JAKMIP1: variants seen among roughly 807,000 people sequenced by gnomAD.
The protein encoded by JAKMIP1 is janus kinase and microtubule-interacting protein 1.
JAKMIP1 carries 33 observed loss-of-function variants against 113.0 expected under a neutral mutation model. The ratio of observed to expected loss-of-function variants is 0.29; its 90% CI spans 0.22 to 0.39. The LOEUF (loss-of-function observed/expected upper bound fraction) is 0.39. JAKMIP1 is among the 10% of genes least tolerant of loss of function. JAKMIP1 has a pLI of 1.00. For missense variants in JAKMIP1, 813 were observed against 1,080.5 expected (o/e 0.75, Z 3.47); for synonymous variants, 480 against 459.9 (o/e 1.04, Z -0.56).
In JAKMIP1 at chr4:6,137,420, C is replaced by G. The variant is rs1719403656; in HGVS notation, c.-147-24423G>C. 1.3e-5 allele frequency among the ~76,000 whole-genome samples: 2 copies of G among 152,222 alleles called. No individual in the cohort carries two copies. Among genetic ancestry groups the G allele is most frequent in the South Asian group, 4.1e-4 (2 of 4,826 alleles). On this transcript the variant is annotated intron_variant, in intron 1 of 20. Transcript: ENST00000409021. This position sits in a 1 kb window ranked among gnomAD's most constrained non-coding sequence, Gnocchi z 4.5. ...AATTCACGGCTCTGGCCCATGGAACCTTAATCACGTCACACCTGATACAGT... is the reference window on the plus strand; with the variant it reads ...AATTCACGGCTCTGGCCCATGGAACGTTAATCACGTCACACCTGATACAGT...
intron 1 of JAKMIP1, among the ~76,000 whole-genome samples, chr4:6,118,511 G>A (rs1716182531): frequency 6.6e-6 from 1 of 152,150 alleles, no homozygotes; most frequent in Admixed American, 6.5e-5. Context: ...GTTCGCAGGA[G>A]GTGGATATTC....
In JAKMIP1 at chr4:6,078,050, T is replaced by G. The variant is rs112483068; in HGVS notation, c.1302+889A>C. Among the ~76,000 whole-genome samples, 6 of 152,248 alleles carry G rather than the reference T, an allele frequency of 3.9e-5. No homozygotes were observed. The East Asian group carries it at 1.2e-3, about 29-fold the overall frequency. On this transcript the variant is annotated intron_variant, in intron 8 of 20. Transcript: ENST00000409021. ...CCCTTATAGATGAGAAATATTTCTC[T>G]ATAACCACATCTCCATCAAAAGATA...
intron 1 of JAKMIP1, among the ~76,000 whole-genome samples, chr4:6,174,672 C>T (rs34111900): frequency 0.22 from 33,221 of 151,992 alleles, 4,196 homozygotes; most frequent in Non-Finnish European, 0.28. Context: ...CGAAACCCCC[C>T]GGAGCAGCTA....
In JAKMIP1 at chr4:6,086,531, A is replaced by G. The variant is rs1721336330; in HGVS notation, c.625-902T>C. Among the ~76,000 whole-genome samples the G allele has an allele frequency of 6.6e-6, 1 of 152,038 alleles. No individual in the cohort carries two copies. The highest frequency in any genetic ancestry group is 2.1e-4 in the South Asian group (1 of 4,820). On this transcript the variant is annotated intron_variant, in intron 3 of 20. Transcript: ENST00000409021. This position sits in a 1 kb window ranked among gnomAD's most constrained non-coding sequence, Gnocchi z 4.1. ...GCCTTCCTATGGGGGAGTGTCAGAAAGGACACAGGCTCAACACAGTGGGCC... is the reference window on the plus strand; with the variant it reads ...GCCTTCCTATGGGGGAGTGTCAGAAGGGACACAGGCTCAACACAGTGGGCC...
chr4:6,098,838 C>G (rs28883105), intron 3 of JAKMIP1, among the ~76,000 whole-genome samples: 6,898 of 152,250 alleles, frequency 0.045, 457 homozygotes, highest in African/African-American at 0.15. Context: ...CCTGATCAAC[C>G]CCACACCCGG....
In JAKMIP1 at chr4:6,199,494, C is replaced by T. The variant is rs1049608740; in HGVS notation, c.-148+759G>A. Among the ~76,000 whole-genome samples, 1 of 152,116 alleles carries T rather than the reference C, an allele frequency of 6.6e-6. No individual in the cohort carries two copies. The highest frequency in any genetic ancestry group is 2.4e-5 in the African/African-American group (1 of 41,448). On this transcript the variant is annotated intron_variant, in intron 1 of 20. Coordinates refer to ENST00000409021, the MANE Select transcript of JAKMIP1 (RefSeq NM_001099433.2). This position sits in a 1 kb window ranked among gnomAD's most constrained non-coding sequence, Gnocchi z 5.6. The stretch of plus-strand genomic sequence containing the variant: ...GCCGCTGGCCCCGACGCAGGGCGCC[C>T]GGCAAGGTGTCTGGCACCACGAGAG...
At position 6,094,741 on chromosome 4, in the gene JAKMIP1, C is replaced by T. The variant is rs767546584; in HGVS notation, c.625-9112G>A. ...AGACGCAGTGGCTCACGCCTATAATCCCAGCACTTTGGGAGGCAGAGGCAG... is the reference window on the plus strand; with the variant it reads ...AGACGCAGTGGCTCACGCCTATAATTCCAGCACTTTGGGAGGCAGAGGCAG... On this transcript the variant is annotated intron_variant, in intron 3 of 20. Coordinates refer to ENST00000409021, the MANE Select transcript of JAKMIP1 (RefSeq NM_001099433.2). The surrounding 1 kb of genome is among the most constrained non-coding windows in gnomAD (Gnocchi z 4.2). Among the ~76,000 whole-genome samples, 2 of 152,198 alleles carry T rather than the reference C, an allele frequency of 1.3e-5. No individual in the cohort carries two copies. Among genetic ancestry groups the T allele is most frequent in the Admixed American group, 1.3e-4 (2 of 15,278 alleles).
chr4:6,036,328 G>C (rs185972487), intron 18 of JAKMIP1, among the ~76,000 whole-genome samples: 122 of 152,322 alleles, frequency 8.0e-4, no homozygotes, highest in Non-Finnish European at 1.4e-3. Flanking sequence ...ATTCAACCCA[G>C]ATGCCCCTAC....
At chr4:6,085,277 C>T in intron 4 of JAKMIP1, 143 bp downstream of exon 4, 1 of 809,152 alleles carries the variant, frequency 1.2e-6, no homozygotes, top group Non-Finnish European at 1.9e-6. Flanking sequence ...GCACAAAGAA[C>T]TTATAACATC....
intron 1 of JAKMIP1, among the ~76,000 whole-genome samples, chr4:6,171,605 G>A (rs1232182476): frequency 1.3e-5 from 2 of 152,230 alleles, no homozygotes; most frequent in Non-Finnish European, 2.9e-5. Context: ...CCCCAAGTAT[G>A]TGTCTAGTAG....
chr4:6,160,742 C>G (rs1417174119), intron 1 of JAKMIP1, among the ~76,000 whole-genome samples: 2 of 152,176 alleles, frequency 1.3e-5, no homozygotes, highest in African/African-American at 4.8e-5. Context: ...TGGTCTCCAC[C>G]CGTCGTCTGA....
rs940156903 is a variant in JAKMIP1 at position 6,187,210 on chromosome 4, G to C, written c.-148+13043C>G. On this transcript the variant is annotated intron_variant, in intron 1 of 20. Transcript: ENST00000409021. This position sits in a 1 kb window ranked among gnomAD's most constrained non-coding sequence, Gnocchi z 4.2. ...ATGTTTATAATTGTTATATATTTCTGATGTATTGAACTTCTTGTCATTATA... is the reference window on the plus strand; with the variant it reads ...ATGTTTATAATTGTTATATATTTCTCATGTATTGAACTTCTTGTCATTATA... Among the ~76,000 whole-genome samples the C allele has an allele frequency of 6.6e-6, 1 of 152,160 alleles. No homozygotes were observed. Among genetic ancestry groups the C allele is most frequent in the Non-Finnish European group, 1.5e-5 (1 of 68,028 alleles).
At chr4:6,191,913 T>TTTTATTTACTTA (rs1727299245) in intron 1 of JAKMIP1, among the ~76,000 whole-genome samples, 1 of 141,054 alleles carries the variant, frequency 7.1e-6, no homozygotes, top group South Asian at 2.4e-4. Context: ...CAGGAGTGCA[T>TTTTATTTACTTA]TTTATTTATT....
At position 6,117,478 on chromosome 4, in the gene JAKMIP1, G is replaced by C. The variant is rs566724769; in HGVS notation, c.-147-4481C>G. 2.0e-5 allele frequency among the ~76,000 whole-genome samples: 3 copies of C among 152,086 alleles called. No individual in the cohort carries two copies. In the South Asian group the frequency reaches 6.3e-4, roughly 32 times the overall value. On this transcript the variant is annotated intron_variant, in intron 1 of 20. Coordinates refer to ENST00000409021, the MANE Select transcript of JAKMIP1 (RefSeq NM_001099433.2). The stretch of plus-strand genomic sequence containing the variant: ...TAACAGGGTAATAGAATATCACAAG[G>C]CAAGTGGAGACAGGGCAAGATCACA...
At chr4:6,058,230 C>G (rs1338986145) in intron 11 of JAKMIP1, among the ~76,000 whole-genome samples, 1 of 152,198 alleles carries the variant, frequency 6.6e-6, no homozygotes, top group Non-Finnish European at 1.5e-5. Flanking sequence ...TAGAAAAGTT[C>G]CTCTTCAAAG....
intron 19 of JAKMIP1, among the ~76,000 whole-genome samples, chr4:6,032,999 T>C (rs545454897): frequency 2.4e-4 from 36 of 152,356 alleles, no homozygotes; most frequent in African/African-American, 8.7e-4. Context: ...AAACCAGTGC[T>C]ACTGAACCCT....
In JAKMIP1 at chr4:6,136,665, C is replaced by T. The variant is rs1220084359; in HGVS notation, c.-147-23668G>A. On this transcript the variant is annotated intron_variant, in intron 1 of 20. Transcript: ENST00000409021. This position sits in a 1 kb window ranked among gnomAD's most constrained non-coding sequence, Gnocchi z 5.9. Reference sequence around the variant, plus strand: ...CTGATTTTTCATGGTGATTAGCACCCAGTCAGGAGCCACACTAAAGAATCT... The same window carrying T: ...CTGATTTTTCATGGTGATTAGCACCTAGTCAGGAGCCACACTAAAGAATCT... Among the ~76,000 whole-genome samples, 1 of 152,160 alleles carries T rather than the reference C, an allele frequency of 6.6e-6. No homozygotes were observed. The highest frequency in any genetic ancestry group is 2.1e-4 in the South Asian group (1 of 4,826).
chr4:6,065,863 G>T lies in JAKMIP1; in HGVS notation c.1303-855C>A, dbSNP rs1345715235. ...CTTCTATGGGCCAGACACGGGGCAG[G>T]CCTGGGGAATACAATAGGATCATAA... On this transcript the variant is annotated intron_variant, in intron 8 of 20. Transcript: ENST00000409021. The surrounding 1 kb of genome is among the most constrained non-coding windows in gnomAD (Gnocchi z 5.1). Among the ~76,000 whole-genome samples the T allele has an allele frequency of 2.0e-5, 3 of 152,170 alleles. No individual in the cohort carries two copies. The highest frequency in any genetic ancestry group is 4.4e-5 in the Non-Finnish European group (3 of 68,032).
At chr4:6,114,553 C>G (rs1330441892) in intron 1 of JAKMIP1, among the ~76,000 whole-genome samples, 1 of 152,166 alleles carries the variant, frequency 6.6e-6, no homozygotes, top group Non-Finnish European at 1.5e-5. Flanking sequence ...GCCCTGGGGC[C>G]CTGGGACATC....
Sources: allele counts gnomAD v4.1 joint callset (sites outside exome capture counted in the v4.1 genomes callset), GRCh38; gene constraint gnomAD v4.1.1; non-coding constraint Gnocchi (gnomAD v3.1); transcripts MANE v1.5; gene names NCBI Gene and HGNC (gene_info 2026-07-23, HGNC 2026-07-21).